Variants in AVL9 observed in about 807,000 individuals in gnomAD.
AVL9 encodes the protein AVL9 cell migration associated.
A neutral mutation model predicts 79.2 loss-of-function variants in AVL9; 49 were observed. The ratio of observed to expected loss-of-function variants is 0.62; its 90% confidence interval spans 0.49 to 0.79. The LOEUF (loss-of-function observed/expected upper bound fraction) is 0.79, where lower values mean the gene tolerates loss of function less well. Among genes scored for constraint, AVL9 ranks in the 30% least tolerant of loss-of-function variants. The pLI is 0.00. For synonymous variants in AVL9, 299 were observed against 280.6 expected, an observed-to-expected ratio of 1.07 and a Z score of -0.65; for missense variants, 682 against 776.8, an observed-to-expected ratio of 0.88 and a Z score of 1.45.
chr7:32,558,200 C>T (rs560163050), intron 8 of AVL9, among the ~76,000 whole-genome samples: 1 of 151,202 alleles, frequency 6.6e-6, no homozygotes, highest in East Asian at 2.0e-4. Context: ...CGCTCTCTAG[C>T]CAGGCTGGAG....
rs192366388 is a variant in AVL9, at chr7:32,549,569, A to G, written c.372+651A>G. The stretch of plus-strand genomic sequence containing the variant: ...AAAATAAAATTTTGAGGATGAGAAT[A>G]TTTCTTCCAAGAAGTAATTTTATAC... On this transcript the variant is annotated intron_variant, in intron 4 of 15. Transcript: ENST00000318709. Among the ~76,000 whole-genome samples, 3 of 151,992 alleles carry G rather than the reference A, an allele frequency of 2.0e-5. No individual in the cohort carries two copies. The East Asian group carries it at 5.8e-4, about 30-fold the overall frequency.
At chr7:32,552,797 G>A (rs1042582594) in intron 6 of AVL9, among the ~76,000 whole-genome samples, 18 of 152,070 alleles carry the variant, frequency 1.2e-4, no homozygotes, top group African/African-American at 4.1e-4. Context: ...TACCTTCTAG[G>A]ATAGTAATGG....
intron 11 of AVL9, 60 bp from the exon 12 acceptor site, chr7:32,573,139 G>T (rs1790933723): frequency 1.5e-6 from 2 of 1,330,744 alleles, no homozygotes; most frequent in Non-Finnish European, 1.1e-6. Flanking sequence ...ACTCTGTAAA[G>T]TGTGGCATGG....
At chr7:32,551,184 C>T (rs1402231748) in intron 4 of AVL9, 150 bp from the exon 5 acceptor site, 8 of 579,918 alleles carry the variant, frequency 1.4e-5, no homozygotes, top group Non-Finnish European at 2.4e-5. Flanking sequence ...CGGCTTTCAA[C>T]TATGAATAAT....
chr7:32,516,183 T>C (rs1178000234), intron 1 of AVL9, among the ~76,000 whole-genome samples: 1 of 152,184 alleles, frequency 6.6e-6, no homozygotes, highest in African/African-American at 2.4e-5. Context: ...GTAGCAGAGA[T>C]TACCTTGTAC....
In AVL9 at chr7:32,570,060, A is replaced by T. The variant is rs1554345908; in HGVS notation, c.1256A>T (p.His419Leu). ...CCTTACATGGCATTGCAGCAGCATC[A>T]TCTTCTCTCCGATGTCACCGTTCGG... Reference protein sequence around the residue: ...CLPYMALQQHHLLSDVTVRGF... With the variant: ...CLPYMALQQHLLLSDVTVRGF... The change falls in exon 11 of 16, where the codon CAT (histidine) becomes CTT (leucine). Residue 419 changes from histidine to leucine, a missense_variant. By Grantham distance (99) the His-to-Leu change is moderately conservative (BLOSUM62 -3). Transcript: ENST00000318709. 2.5e-6 allele frequency: 4 copies of T among 1,614,204 alleles called. No individual in the cohort carries two copies. Among genetic ancestry groups the T allele is most frequent in the Non-Finnish European group, 3.4e-6 (4 of 1,180,020 alleles).
chr7:32,497,088 A>G (rs1786858529), intron 1 of AVL9, among the ~76,000 whole-genome samples: 1 of 149,400 alleles, frequency 6.7e-6, no homozygotes, highest in Non-Finnish European at 1.5e-5. Context: ...TGAGAGAGCA[A>G]GACCCTGTCT....
rs1787243401 is a variant in AVL9, at chr7:32,503,357, G to GATAT, written c.93+7556_93+7557insTATA. 1.1e-4 allele frequency among the ~76,000 whole-genome samples: 10 copies of GATAT among 89,408 alleles called. No homozygotes were observed. In the East Asian group the frequency reaches 1.2e-3, roughly 10 times the overall value. The allele number at this position is 89,408 out of a possible 152,430, so 58.7% of individuals were successfully genotyped here. ...ATCTATATATATAGATATAGATATA[G>GATAT]AGAGATATATATATATACACACACA... On this transcript the variant is annotated intron_variant, in intron 1 of 15. Coordinates refer to ENST00000318709, the MANE Select transcript of AVL9 (RefSeq NM_015060.3).
intron 1 of AVL9, among the ~76,000 whole-genome samples, chr7:32,496,979 A>C (rs1474291279): frequency 6.6e-6 from 1 of 152,248 alleles, no homozygotes; most frequent in Non-Finnish European, 1.5e-5. Flanking sequence ...GCGCACTTGT[A>C]GTCCCAGCTA....
At chr7:32,520,017 C>T (rs1311582315) in intron 1 of AVL9, among the ~76,000 whole-genome samples, 1 of 152,156 alleles carries the variant, frequency 6.6e-6, no homozygotes, top group Non-Finnish European at 1.5e-5. Context: ...AGGGGAAAAC[C>T]ACCCCCACGA....
intron 5 of AVL9, 121 bp from the exon 6 acceptor site, chr7:32,552,108 A>G (rs1416025204): frequency 6.3e-6 from 4 of 636,172 alleles, no homozygotes; most frequent in African/African-American, 5.6e-5. Context: ...TTGTTTTTAA[A>G]TTTAGCGCCT....
intron 1 of AVL9, among the ~76,000 whole-genome samples, chr7:32,520,260 G>C (rs1014855186): frequency 6.6e-6 from 1 of 152,238 alleles, no homozygotes; most frequent in African/African-American, 2.4e-5. Context: ...AGAGTATGAT[G>C]TAAAACAGTT....
At chr7:32,519,104 CTATGA>C (rs1788029723) in intron 1 of AVL9, among the ~76,000 whole-genome samples, 1 of 152,068 alleles carries the variant, frequency 6.6e-6, no homozygotes, top group Non-Finnish European at 1.5e-5. Flanking sequence ...CTGTTAAACT[CTATGA>C]AAGAGTTCTA....
intron 15 of AVL9, among the ~76,000 whole-genome samples, chr7:32,583,194 A>G (rs1373855676): frequency 3.9e-5 from 6 of 152,196 alleles, no homozygotes; most frequent in African/African-American, 1.4e-4. Context: ...AAGCTCTCTA[A>G]TAATTCTGAT....
rs1366011271 is a variant in AVL9 at position 32,585,692 on chromosome 7, G to A, written c.*1785G>A. On this transcript the variant is annotated 3_prime_UTR_variant, in exon 16 of 16. Coordinates refer to ENST00000318709, the MANE Select transcript of AVL9 (RefSeq NM_015060.3). ...AATGTCTCTAAATTTTCCACTTTGT[G>A]TTTTCTAAACACAAATTGTATTACT... 6.6e-6 allele frequency: 1 copy of A among 152,112 alleles called. No individual in the cohort carries two copies. The highest frequency in any genetic ancestry group is 1.5e-5 in the Non-Finnish European group (1 of 68,002). The allele number at this position is 152,112 out of a possible 1,614,324, so 9.4% of individuals were successfully genotyped here. A position where few individuals can be genotyped will look rare whatever the true frequency, so the allele number is the denominator to read the frequency against.
chr7:32,571,053 A>G (rs1458788045), intron 11 of AVL9, among the ~76,000 whole-genome samples: 1 of 148,914 alleles, frequency 6.7e-6, no homozygotes, highest in Non-Finnish European at 1.5e-5. Flanking sequence ...AACATGGTGA[A>G]ACCCCATGTC....
intron 4 of AVL9, among the ~76,000 whole-genome samples, chr7:32,550,371 T>TA (rs140567066): frequency 0.064 from 9,688 of 152,176 alleles, 375 homozygotes; most frequent in Non-Finnish European, 0.085. Flanking sequence ...AAAATTGGGG[T>TA]AAAAAAATCG....
chr7:32,565,181 T>G (rs372234139), intron 10 of AVL9, among the ~76,000 whole-genome samples: 238 of 152,300 alleles, frequency 1.6e-3, no homozygotes, highest in African/African-American at 5.4e-3. Flanking sequence ...CATGCATCAA[T>G]TTTCTCCCTC....
At chr7:32,574,074 T>A (rs567365200) in intron 12 of AVL9, among the ~76,000 whole-genome samples, 40 of 152,332 alleles carry the variant, frequency 2.6e-4, no homozygotes, top group African/African-American at 9.6e-4. Flanking sequence ...ATTAGAGTTG[T>A]TAAAAATGTG....
Sources: allele counts gnomAD v4.1 joint callset (sites outside exome capture counted in the v4.1 genomes callset), GRCh38; gene constraint gnomAD v4.1.1; transcripts MANE v1.5; gene names NCBI Gene and HGNC (gene_info 2026-07-23, HGNC 2026-07-21).